Variants in MLIP observed in about 807,000 individuals in gnomAD.
MLIP encodes muscular LMNA interacting protein.
MLIP carries 79 observed loss-of-function variants against 84.8 expected under a neutral mutation model. The ratio of observed to expected loss-of-function variants is 0.93; its 90% confidence interval spans 0.78 to 1.12. The LOEUF (loss-of-function observed/expected upper bound fraction) is 1.12. MLIP is among the 50% of genes most tolerant of loss of function. MLIP has a pLI of 0.00. For synonymous variants in MLIP, 504 were observed against 463.0 expected, an observed-to-expected ratio of 1.09 and a Z score of -1.14; for missense variants, 1,257 against 1,160.6, an observed-to-expected ratio of 1.08 and a Z score of -1.21.
chr6:54,228,608 A>T (rs1199074221), intron 11 of MLIP, among the ~76,000 whole-genome samples: 2 of 152,190 alleles, frequency 1.3e-5, no homozygotes, highest in Non-Finnish European at 2.9e-5. Context: ...ACAGAGTAGC[A>T]CACTCTCTGC....
rs114968932 is a variant in MLIP at position 54,159,048 on chromosome 6, A to T, written c.2290-1319A>T. On this transcript the variant is annotated intron_variant, in intron 5 of 13. Coordinates refer to ENST00000502396, the MANE Select transcript of MLIP (RefSeq NM_001281747.2). ...TGCCTCAGTCTTTCAAGTTTCTGAA[A>T]CTACAGGTGTATGCCAACACATTCA... 6.5e-3 allele frequency among the ~76,000 whole-genome samples: 986 copies of T among 152,060 alleles called. 15 individuals are homozygous for T. Among genetic ancestry groups the T allele is most frequent in the African/African-American group, 0.023 (935 of 41,498 alleles).
intron 1 of MLIP, among the ~76,000 whole-genome samples, chr6:54,064,581 A>AGGGCTGCCC (rs1766153820): frequency 1.0e-5 from 1 of 100,022 alleles, no homozygotes; most frequent in African/African-American, 2.6e-5. Flanking sequence ...AAGGAAATTT[A>AGGGCTGCCC]TGAGGAAAAA....
At chr6:54,189,562 T>TTTCATG (rs1164000338) in intron 9 of MLIP, among the ~76,000 whole-genome samples, 1 of 152,160 alleles carries the variant, frequency 6.6e-6, no homozygotes, top group Non-Finnish European at 1.5e-5. Flanking sequence ...TTAGGTAACC[T>TTTCATG]TGAAGAAGTT....
chr6:54,260,759 T>G (rs1248834378), intron 13 of MLIP, among the ~76,000 whole-genome samples: 2 of 152,136 alleles, frequency 1.3e-5, no homozygotes, highest in East Asian at 3.9e-4. Flanking sequence ...AGATCCACTG[T>G]AATTTCATTA....
At chr6:54,048,288 G>A (rs1765182589) in intron 1 of MLIP, among the ~76,000 whole-genome samples, 1 of 152,138 alleles carries the variant, frequency 6.6e-6, no homozygotes, top group Admixed American at 6.6e-5. Context: ...GATAGAGAAA[G>A]GAATGAGTCT....
intron 1 of MLIP, among the ~76,000 whole-genome samples, chr6:54,072,998 AC>A (rs2150346160): frequency 6.6e-6 from 1 of 152,090 alleles, no homozygotes; most frequent in African/African-American, 2.4e-5. Flanking sequence ...GACTTTTGCC[AC>A]CCCCTTCCCT....
At chr6:54,093,914 A>G (rs1370575652) in intron 1 of MLIP, among the ~76,000 whole-genome samples, 1 of 152,190 alleles carries the variant, frequency 6.6e-6, no homozygotes, top group African/African-American at 2.4e-5. Context: ...CCTTACAGAA[A>G]GAGTTTGCCA....
rs1581964427 is a variant in MLIP, at chr6:54,019,921, T to C, written c.63+830T>C. Among the ~76,000 whole-genome samples, 4 of 152,212 alleles carry C rather than the reference T, an allele frequency of 2.6e-5. No individual in the cohort carries two copies. The East Asian group carries it at 7.7e-4, about 29-fold the overall frequency. On this transcript the variant is annotated intron_variant, in intron 1 of 12. Transcript: ENST00000274897. ...AAGAACCATACTGGGTTGAAAACTC[T>C]TGAAGTGTATTAGAATTTCAAGGTC...
chr6:54,238,464 A>G (rs1781508473), intron 12 of MLIP, among the ~76,000 whole-genome samples: 2 of 151,966 alleles, frequency 1.3e-5, no homozygotes, highest in Non-Finnish European at 2.9e-5. Context: ...TTCCAACTAC[A>G]TTTTCTCCCT....
At chr6:54,072,904 A>T (rs976788236) in intron 1 of MLIP, among the ~76,000 whole-genome samples, 5 of 152,240 alleles carry the variant, frequency 3.3e-5, no homozygotes, top group African/African-American at 1.2e-4. Flanking sequence ...CTTTTCAAGC[A>T]TTCCTTTTTT....
chr6:54,049,780 G>T (rs1012390574), intron 1 of MLIP, among the ~76,000 whole-genome samples: 1 of 152,110 alleles, frequency 6.6e-6, no homozygotes, highest in African/African-American at 2.4e-5. Flanking sequence ...ATAATCTAAT[G>T]TAAATTGTGT....
At chr6:54,111,665 G>A in intron 1 of MLIP, 90 bp downstream of exon 1, 1 of 1,286,190 alleles carries the variant, frequency 7.8e-7, no homozygotes, top group Non-Finnish European at 1.1e-6. Flanking sequence ...GTGAGGGAGA[G>A]CTGCCCAGTG....
At chr6:54,158,075 C>A (rs1052479985) in intron 5 of MLIP, among the ~76,000 whole-genome samples, 7 of 152,032 alleles carry the variant, frequency 4.6e-5, no homozygotes, top group Admixed American at 2.6e-4. Context: ...GCCAAAATGG[C>A]AGTTCTAGCA....
At position 54,230,746 on chromosome 6, in the gene MLIP, C is replaced by G. The variant is rs148343645; in HGVS notation, c.2751C>G (p.Leu917=). The G allele has an allele frequency of 1.2e-6, 2 of 1,613,988 alleles. No homozygotes were observed. Among genetic ancestry groups the G allele is most frequent in the Non-Finnish European group, 1.7e-6 (2 of 1,180,002 alleles). ...CAGTCCCTCCCAAGCCTGTCTCGCT[C>G]CATCCTTTATATCAGACTAAACTCT... The part of the protein sequence containing the change: ...DVTVPPKPVS[L]HPLYQTKLYP... The change falls in exon 12 of 14, where the codon CTC becomes CTG. Residue 917 remains leucine (L), a synonymous_variant. Coordinates refer to ENST00000502396, the MANE Select transcript of MLIP (RefSeq NM_001281747.2).
chr6:54,145,416 C>A (rs550209519), intron 4 of MLIP, among the ~76,000 whole-genome samples: 17 of 152,070 alleles, frequency 1.1e-4, no homozygotes, highest in African/African-American at 3.6e-4. Flanking sequence ...GATTTTTATA[C>A]TGAAAAGGAA....
intron 1 of MLIP, among the ~76,000 whole-genome samples, chr6:54,085,961 A>T (rs1480379216): frequency 6.6e-6 from 1 of 152,154 alleles, no homozygotes; most frequent in Admixed American, 6.6e-5. Flanking sequence ...GAAATTTCTT[A>T]GGCTGCATTC....
chr6:54,055,373 AAC>A (rs1407882413), intron 1 of MLIP, among the ~76,000 whole-genome samples: 1 of 152,200 alleles, frequency 6.6e-6, no homozygotes, highest in African/African-American at 2.4e-5. Context: ...TCAAAAATCT[AAC>A]AGACTTATGG....
intron 11 of MLIP, among the ~76,000 whole-genome samples, chr6:54,221,833 T>C (rs1780243229): frequency 6.6e-6 from 1 of 151,988 alleles, no homozygotes; most frequent in Non-Finnish European, 1.5e-5. Flanking sequence ...GGAACTCTCA[T>C]AAAAACTGAC....
intron 1 of MLIP, among the ~76,000 whole-genome samples, chr6:54,027,596 A>AC (rs1763895085): frequency 6.6e-6 from 1 of 152,174 alleles, no homozygotes; most frequent in South Asian, 2.1e-4. Flanking sequence ...AAGTGGACGC[A>AC]CAAGTATTGC....
Sources: gnomAD v4.1 joint callset for allele counts (sites outside exome capture counted in the v4.1 genomes callset) on GRCh38, gnomAD v4.1.1 for gene constraint, MANE v1.5 for transcripts, NCBI Gene and HGNC (gene_info 2026-07-23, HGNC 2026-07-21) for gene names.